Variants in ANKRD44 observed in about 807,000 individuals in gnomAD.
ANKRD44 encodes serine/threonine-protein phosphatase 6 regulatory ankyrin repeat subunit B.
In ANKRD44, 35 loss-of-function variants were observed where a neutral mutation model predicts 116.0. That is an observed-to-expected ratio of 0.30 (90% CI 0.23 to 0.40). The LOEUF is 0.40. Among genes scored for constraint, ANKRD44 ranks in the 10% least tolerant of loss-of-function variants. The pLI is 1.00. For missense variants in ANKRD44, 1,014 were observed against 1,242.6 expected (o/e 0.82, Z 2.77); for synonymous variants, 435 against 461.8 (o/e 0.94, Z 0.74).
At chr2:197,303,376 T>C (rs987993222) in intron 1 of ANKRD44, among the ~76,000 whole-genome samples, 4 of 152,178 alleles carry the variant, frequency 2.6e-5, no homozygotes, top group African/African-American at 7.2e-5. Flanking sequence ...CCCCAAACCA[T>C]ACAACAGTTA....
chr2:197,221,087 T>G (rs1007471180), intron 1 of ANKRD44, among the ~76,000 whole-genome samples: 1 of 151,870 alleles, frequency 6.6e-6, no homozygotes, highest in Non-Finnish European at 1.5e-5. Context: ...CCGTCTCTAC[T>G]AAAAAATACA....
chr2:197,236,713 CAA>C (rs71012964), intron 1 of ANKRD44, among the ~76,000 whole-genome samples: 11 of 105,214 alleles, frequency 1.0e-4, no homozygotes, highest in African/African-American at 1.6e-4. Flanking sequence ...ACAAACTACT[CAA>C]AAAAAAAAAA....
At chr2:197,113,102 G>A (rs1423239959) in intron 8 of ANKRD44, among the ~76,000 whole-genome samples, 3 of 152,162 alleles carry the variant, frequency 2.0e-5, no homozygotes, top group Non-Finnish European at 4.4e-5. Flanking sequence ...AGAACAGACT[G>A]AGAAAGGAGA....
chr2:197,160,043 GACACACACACACACATACACACATGC>G lies in ANKRD44; in HGVS notation c.112-12964_112-12939del, dbSNP rs555706683. 5.0e-4 allele frequency among the ~76,000 whole-genome samples: 75 copies of G among 151,418 alleles called. No individual in the cohort carries two copies. The East Asian group carries it at 0.014, about 28-fold the overall frequency. On this transcript the variant is annotated intron_variant, in intron 2 of 27. Transcript: ENST00000282272. ...TTCTTATCAGGTGGCCTATATGATA[GACACACACACACACATACACACATGC>G]ACACGCACACACATACGCATGCACT...
chr2:197,195,105 A>C lies in ANKRD44; in HGVS notation c.28-7999T>G, dbSNP rs2080915832. Among the ~76,000 whole-genome samples, 7 of 152,302 alleles carry C rather than the reference A, an allele frequency of 4.6e-5. No homozygotes were observed. In the South Asian group the frequency reaches 1.5e-3, roughly 32 times the overall value. On this transcript the variant is annotated intron_variant, in intron 1 of 27. Transcript: ENST00000282272. The stretch of plus-strand genomic sequence containing the variant: ...ATGCTCCCACCTCAGCCTCCCAAGT[A>C]ATTCAGACTATGGGCACAGGCCACT...
At chr2:197,196,738 G>A (rs2080958410) in intron 1 of ANKRD44, among the ~76,000 whole-genome samples, 1 of 152,176 alleles carries the variant, frequency 6.6e-6, no homozygotes, top group African/African-American at 2.4e-5. Flanking sequence ...GTTAGCACCT[G>A]GGTTCTTTCC....
intron 10 of ANKRD44, among the ~76,000 whole-genome samples, chr2:197,093,092 A>G (rs2078079027): frequency 6.8e-6 from 1 of 146,990 alleles, no homozygotes; most frequent in Non-Finnish European, 1.5e-5. Context: ...TTCTTTAAAT[A>G]CATACAAACA....
intron 1 of ANKRD44, among the ~76,000 whole-genome samples, chr2:197,269,280 G>C (rs1168525489): frequency 6.6e-6 from 1 of 151,824 alleles, no homozygotes; most frequent in Non-Finnish European, 1.5e-5. Context: ...GGGAAAGTTT[G>C]AATATGGAGA....
At chr2:197,117,198 C>T (rs574525474) in intron 8 of ANKRD44, among the ~76,000 whole-genome samples, 1 of 151,738 alleles carries the variant, frequency 6.6e-6, no homozygotes, top group Non-Finnish European at 1.5e-5. Context: ...CTTTCTTTGC[C>T]GGATTTCTTT....
chr2:197,113,789 A>G (rs2078646145), intron 8 of ANKRD44, among the ~76,000 whole-genome samples: 1 of 152,234 alleles, frequency 6.6e-6, no homozygotes, highest in African/African-American at 2.4e-5. Flanking sequence ...GAACAGCCAT[A>G]TGATCAGTGG....
At chr2:197,234,194 A>AT (rs11436827) in intron 1 of ANKRD44, among the ~76,000 whole-genome samples, 6,081 of 144,396 alleles carry the variant, frequency 0.042, 190 homozygotes, top group Middle Eastern at 0.11. Context: ...TAAGTCATAG[A>AT]TTTTTTTTTT....
At chr2:197,145,444 C>T (rs915449300) in intron 3 of ANKRD44, among the ~76,000 whole-genome samples, 1 of 152,198 alleles carries the variant, frequency 6.6e-6, no homozygotes, top group African/African-American at 2.4e-5. Context: ...TTGCAATTGC[C>T]AGGGCAACCA....
At chr2:197,047,886 G>A (rs747437025) in intron 16 of ANKRD44, among the ~76,000 whole-genome samples, 1 of 151,862 alleles carries the variant, frequency 6.6e-6, no homozygotes, top group African/African-American at 2.4e-5. Context: ...CTCTAGCCTG[G>A]GCAACACAGT....
intron 4 of ANKRD44, among the ~76,000 whole-genome samples, chr2:197,130,577 T>C (rs1279883070): frequency 6.6e-6 from 1 of 152,202 alleles, no homozygotes; most frequent in Non-Finnish European, 1.5e-5. Flanking sequence ...CCAGAGAGTT[T>C]AAATGCACTA....
At chr2:197,302,544 C>T (rs1438718023) in intron 1 of ANKRD44, 1 of 152,218 alleles carries the variant, frequency 6.6e-6, no homozygotes, top group Non-Finnish European at 1.5e-5. Flanking sequence ...GTATTGTGTT[C>T]ATCCTTGGGG....
chr2:197,274,002 T>TAG lies in ANKRD44; in HGVS notation c.27+36575_27+36576insCT, dbSNP rs58538782. Among the ~76,000 whole-genome samples, 298 of 64,922 alleles carry TAG rather than the reference T, an allele frequency of 4.6e-3. 39 individuals carry two copies. The highest frequency in any genetic ancestry group is 6.2e-3 in the Admixed American group (32 of 5,162). 42.6% of individuals were successfully genotyped at this position (64,922 alleles called of 152,430 possible). ...AAAAATATATATATATATATATATATATATATATATATATATATATATATA... is the reference window on the plus strand; with the variant it reads ...AAAAATATATATATATATATATATATAGATATATATATATATATATATATATA... On this transcript the variant is annotated intron_variant, in intron 1 of 27. Coordinates refer to ENST00000282272, the MANE Select transcript of ANKRD44 (RefSeq NM_001195144.2).
chr2:197,064,518 A>C (rs2077389331), intron 16 of ANKRD44, among the ~76,000 whole-genome samples: 1 of 152,248 alleles, frequency 6.6e-6, no homozygotes, highest in South Asian at 2.1e-4. Context: ...AATTGGATAA[A>C]GAGTCAAGAT....
intron 2 of ANKRD44, among the ~76,000 whole-genome samples, chr2:197,169,890 T>TA (rs1296847306): frequency 5.3e-4 from 81 of 151,674 alleles, no homozygotes; most frequent in African/African-American, 8.2e-4. Context: ...TAAAAATTTT[T>TA]TAAAAAAAAG....
At position 197,241,640 on chromosome 2, in the gene ANKRD44, T is replaced by C. The variant is rs189732625; in HGVS notation, c.28-54534A>G. Among the ~76,000 whole-genome samples, 629 of 152,292 alleles carry C rather than the reference T, an allele frequency of 4.1e-3. 16 individuals carry two copies. The South Asian group carries it at 0.064, about 15-fold the overall frequency. On this transcript the variant is annotated intron_variant, in intron 1 of 27. Transcript: ENST00000282272. The stretch of plus-strand genomic sequence containing the variant: ...GTAAAATTTAAAAAAAACATTTGAA[T>C]CTATATTAACATTTTTAAAAATAAG...
Sources: gnomAD v4.1 joint callset for allele counts (sites outside exome capture counted in the v4.1 genomes callset) on GRCh38, gnomAD v4.1.1 for gene constraint, MANE v1.5 for transcripts, NCBI Gene and HGNC (gene_info 2026-07-23, HGNC 2026-07-21) for gene names.